Variants in DENND4A observed in about 807,000 individuals in gnomAD.
The protein encoded by DENND4A is DENN domain containing 4A, also known as C-myc promoter-binding protein.
A neutral mutation model predicts 199.3 loss-of-function variants in DENND4A; 70 were observed. The ratio of observed to expected loss-of-function variants is 0.35; its 90% CI spans 0.29 to 0.43. DENND4A has a LOEUF of 0.43. Ranked by LOEUF, DENND4A falls within the 20% of genes least tolerant of loss-of-function variation. DENND4A has a pLI of 1.00. For missense variants in DENND4A, 1,723 were observed against 2,255.8 expected, an observed-to-expected ratio of 0.76 and a Z score of 4.78; for synonymous variants, 686 against 766.9, an observed-to-expected ratio of 0.89 and a Z score of 1.74.
intron 11 of DENND4A, among the ~76,000 whole-genome samples, chr15:65,724,278 T>C (rs2075736241): frequency 6.6e-6 from 1 of 152,052 alleles, no homozygotes; most frequent in South Asian, 2.1e-4. Context: ...AGGCTGGTCT[T>C]GAACTCCACA....
rs138112288 is a variant in DENND4A, at chr15:65,660,612, TA to T, written c.*1238del. 0.047 allele frequency: 12,982 copies of T among 278,508 alleles called. 625 individuals are homozygous for T. Among genetic ancestry groups the T allele is most frequent in the African/African-American group, 0.15 (6,715 of 45,734 alleles). The allele number at this position is 278,508 out of a possible 1,614,324, so 17.3% of individuals were successfully genotyped here. A position where few individuals can be genotyped will look rare whatever the true frequency, so the allele number is the denominator to read the frequency against. On this transcript the variant is annotated 3_prime_UTR_variant, in exon 33 of 33. Transcript: ENST00000443035. ...ACATTAGAAATAATATGACTAAAAA[TA>T]TATTTTTAAAGCTATTTAATACTCA...
At chr15:65,749,292 T>G (rs1039729880) in intron 4 of DENND4A, among the ~76,000 whole-genome samples, 4 of 152,146 alleles carry the variant, frequency 2.6e-5, no homozygotes, top group African/African-American at 9.7e-5. Flanking sequence ...AACTACTAAT[T>G]GAAGGTATGA....
intron 23 of DENND4A, among the ~76,000 whole-genome samples, chr15:65,678,208 G>T (rs940494484): frequency 2.6e-5 from 4 of 152,160 alleles, no homozygotes; most frequent in Admixed American, 1.3e-4. Flanking sequence ...GATTACAGGC[G>T]TGAGCCACAG....
At chr15:65,689,409 G>T (rs543316807) in intron 23 of DENND4A, among the ~76,000 whole-genome samples, 3 of 152,236 alleles carry the variant, frequency 2.0e-5, no homozygotes, top group South Asian at 2.1e-4. Flanking sequence ...ATTAAAAACT[G>T]TAAGGATTCT....
intron 23 of DENND4A, among the ~76,000 whole-genome samples, chr15:65,677,872 T>C (rs1166606420): frequency 6.6e-6 from 1 of 152,074 alleles, no homozygotes; most frequent in East Asian, 1.9e-4. Flanking sequence ...GTTTTAATTA[T>C]AGTTTTAGCA....
chr15:65,689,205 C>A (rs1282354520), intron 23 of DENND4A, among the ~76,000 whole-genome samples: 1 of 152,106 alleles, frequency 6.6e-6, no homozygotes, highest in African/African-American at 2.4e-5. Context: ...CTAGTGAAAT[C>A]TTCCATCTTT....
At chr15:65,729,316 A>G in intron 10 of DENND4A, 69 bp from the exon 11 acceptor site, 3 of 1,494,420 alleles carry the variant, frequency 2.0e-6, no homozygotes, top group Non-Finnish European at 2.7e-6. Flanking sequence ...CAGCACACAC[A>G]AAAAACTGTC....
chr15:65,678,659 CAA>C (rs936067348), intron 23 of DENND4A, among the ~76,000 whole-genome samples: 8 of 152,162 alleles, frequency 5.3e-5, no homozygotes, highest in African/African-American at 1.9e-4. Flanking sequence ...ATGAGAATAT[CAA>C]GTTTTATTAA....
chr15:65,686,894 G>A (rs796103389), intron 23 of DENND4A, among the ~76,000 whole-genome samples: 19 of 152,066 alleles, frequency 1.2e-4, no homozygotes, highest in African/African-American at 4.6e-4. Context: ...GTACAGACAG[G>A]GTCTTGCTAT....
intron 1 of DENND4A, among the ~76,000 whole-genome samples, chr15:65,763,345 T>C (rs2140784056): frequency 6.6e-6 from 1 of 152,276 alleles, no homozygotes; most frequent in Admixed American, 6.5e-5. Context: ...GACATGTGTG[T>C]GTCTGTGAGA....
Position 65,771,693 on chromosome 15 carries a change from C to A in DENND4A, c.-101-10255G>T. 5.6e-6 allele frequency: 9 copies of A among 1,610,516 alleles called. No individual in the cohort carries two copies. In the South Asian group the frequency reaches 8.8e-5, roughly 16 times the overall value. The stretch of plus-strand genomic sequence containing the variant: ...ATACTACCTGAAGGAAATCCACCCC[C>A]AAAAAATATATTAAACAAGTCTTCT... On this transcript the variant is annotated intron_variant, in intron 1 of 32. Coordinates refer to ENST00000443035, the MANE Select transcript of DENND4A (RefSeq NM_001320835.1).
intron 5 of DENND4A, among the ~76,000 whole-genome samples, chr15:65,740,539 G>A (rs1264110751): frequency 6.6e-6 from 1 of 151,370 alleles, no homozygotes; most frequent in African/African-American, 2.4e-5. Context: ...TGATGTGGGA[G>A]GACTGCTTGA....
intron 1 of DENND4A, among the ~76,000 whole-genome samples, chr15:65,790,627 A>C (rs1319251509): frequency 4.6e-5 from 7 of 152,188 alleles, no homozygotes; most frequent in Non-Finnish European, 1.0e-4. Flanking sequence ...TTCAAAGGGA[A>C]ATCGTGAAAA....
rs192338547 is a variant in DENND4A at position 65,747,287 on chromosome 15, T to C, written c.561+5092A>G. Among the ~76,000 whole-genome samples, 23 of 152,340 alleles carry C rather than the reference T, an allele frequency of 1.5e-4. No homozygotes were observed. The East Asian group carries it at 4.4e-3, about 29-fold the overall frequency. ...TCTAAGTTCTCATCCAGCTCTAAAA[T>C]ACTGTAATTATGTTCTAATATCAAA... On this transcript the variant is annotated intron_variant, in intron 4 of 32. Transcript: ENST00000443035.
At chr15:65,769,833 T>C (rs1567095554) in intron 1 of DENND4A, among the ~76,000 whole-genome samples, 1 of 152,206 alleles carries the variant, frequency 6.6e-6, no homozygotes, top group Non-Finnish European at 1.5e-5. Context: ...TTATGTTCCA[T>C]TAACCGAGTA....
intron 14 of DENND4A, among the ~76,000 whole-genome samples, chr15:65,714,460 T>C (rs541520016): frequency 6.6e-6 from 1 of 151,820 alleles, no homozygotes; most frequent in South Asian, 2.1e-4. Context: ...ATCTTTAATA[T>C]ACTTATTTGA....
chr15:65,691,630 TA>T (rs1160526505), intron 22 of DENND4A, 119 bp from the exon 23 acceptor site: 26 of 1,010,788 alleles, frequency 2.6e-5, no homozygotes, highest in Non-Finnish European at 1.8e-5. Flanking sequence ...GAGTGTCTGC[TA>T]TTTGACAGAT....
intron 23 of DENND4A, among the ~76,000 whole-genome samples, chr15:65,689,311 T>G (rs2076894626): frequency 6.6e-6 from 1 of 152,186 alleles, no homozygotes. Context: ...CACTTGAGGG[T>G]CTCTTTCCGT....
intron 1 of DENND4A, among the ~76,000 whole-genome samples, chr15:65,773,059 A>G (rs2077184822): frequency 6.7e-6 from 1 of 148,386 alleles, no homozygotes; most frequent in African/African-American, 2.5e-5. Flanking sequence ...TACAGCACCC[A>G]GTGGCAATGC....
Sources: gnomAD v4.1 joint callset for allele counts (sites outside exome capture counted in the v4.1 genomes callset) on GRCh38, gnomAD v4.1.1 for gene constraint, MANE v1.5 for transcripts, NCBI Gene and HGNC (gene_info 2026-07-23, HGNC 2026-07-21) for gene names.